Variants in MEI1 observed in about 807,000 individuals in gnomAD.
The protein encoded by MEI1 is meiotic double-stranded break formation protein 1.
In MEI1, 103 loss-of-function variants were observed where a neutral mutation model predicts 146.2. That is an observed-to-expected ratio of 0.70 (90% CI 0.60 to 0.83). The LOEUF (loss-of-function observed/expected upper bound fraction) is 0.83. Among genes scored for constraint, MEI1 ranks in the 40% least tolerant of loss-of-function variants. The pLI is 0.00. For missense variants in MEI1, 1,529 were observed against 1,533.0 expected, an observed-to-expected ratio of 1.00 and a Z score of 0.04; for synonymous variants, 652 against 628.2, an observed-to-expected ratio of 1.04 and a Z score of -0.57.
chr22:41,752,637 T>A lies in MEI1; in HGVS notation c.1839T>A (p.Phe613Leu). The change falls in exon 16 of 31, where the codon TTT becomes TTA. Residue 613 changes from phenylalanine to leucine, a missense_variant. Phe to Leu is a conservative substitution (Grantham distance 22). Around this residue, in one of 3 missense-constraint regions of MEI1, gnomAD observed 1,212 missense variants for 1,178.9 expected, o/e 1.03. Coordinates refer to ENST00000401548, the MANE Select transcript of MEI1 (RefSeq NM_152513.4). The stretch of plus-strand genomic sequence containing the variant: ...TGACCCTGGAGCTGAAGGCCAGGTT[T>A]TGCAGTGGTCTGAGGTATGTGTGGT... ...IRLTLELKAR[F>L]CSGLSHSALN... 6.3e-7 allele frequency: 1 copy of A among 1,597,742 alleles called. No homozygotes were observed. Among genetic ancestry groups the A allele is most frequent in the Admixed American group, 1.7e-5 (1 of 57,596 alleles).
At chr22:41,773,243 C>G (rs967440847) in intron 20 of MEI1, among the ~76,000 whole-genome samples, 6 of 152,100 alleles carry the variant, frequency 3.9e-5, no homozygotes, top group Non-Finnish European at 7.3e-5. Context: ...TAGAGCTTAA[C>G]AGAAAGGAGC....
At chr22:41,730,308 T>C (rs2071742388) in intron 8 of MEI1, among the ~76,000 whole-genome samples, 1 of 152,170 alleles carries the variant, frequency 6.6e-6, no homozygotes, top group South Asian at 2.1e-4. Context: ...TGGGACTCAG[T>C]TTCCCCACCT....
intron 4 of MEI1, among the ~76,000 whole-genome samples, chr22:41,715,241 A>G (rs542162377): frequency 6.6e-6 from 1 of 152,096 alleles, no homozygotes; most frequent in African/African-American, 2.4e-5. Context: ...ATTATTTCCC[A>G]CCAGAGTTAA....
rs776461104 is a variant in MEI1, at chr22:41,795,720, C to G, written c.3667-15C>G. The G allele has an allele frequency of 8.7e-6, 14 of 1,611,794 alleles. No individual in the cohort carries two copies. Among genetic ancestry groups the G allele is most frequent in the Non-Finnish European group, 1.2e-5 (14 of 1,178,860 alleles). ...ACTGAGGAGGCCTGTCTTCCCTGCC[C>G]TCTTCTCCCTGCAGCTCCAGAGCAT... is the stretch of plus-strand genomic sequence containing the variant. On this transcript the variant is annotated splice_polypyrimidine_tract_variant and intron_variant, in intron 29 of 30. Transcript: ENST00000401548. The surrounding 1 kb of genome is among the most constrained non-coding windows in gnomAD (Gnocchi z 4.2).
At chr22:41,776,290 C>T in intron 21 of MEI1, 23 bp downstream of exon 21, 1 of 1,611,828 alleles carries the variant, frequency 6.2e-7, no homozygotes, top group Non-Finnish European at 8.5e-7. Context: ...GTGCTGTGGG[C>T]ACACTTTGAC....
At chr22:41,728,143 C>T (rs1205254563) in intron 7 of MEI1, among the ~76,000 whole-genome samples, 2 of 152,114 alleles carry the variant, frequency 1.3e-5, no homozygotes, top group Non-Finnish European at 2.9e-5. Flanking sequence ...TTTCCATCAG[C>T]GTTCAGTTGA....
chr22:41,713,935 G>A (rs2069851218), intron 3 of MEI1, 67 bp from the exon 4 acceptor site: 2 of 1,294,850 alleles, frequency 1.5e-6, no homozygotes, highest in East Asian at 2.5e-5. Flanking sequence ...TTGAGTAGAA[G>A]GGCCATGGAA....
intron 17 of MEI1, among the ~76,000 whole-genome samples, chr22:41,754,900 G>A (rs572309828): frequency 6.6e-6 from 1 of 152,306 alleles, no homozygotes; most frequent in East Asian, 1.9e-4. Context: ...CTGGGCAAAA[G>A]GATAGAGAGT....
At position 41,799,271 on chromosome 22, in the gene MEI1, C is replaced by A; in HGVS notation, c.3797C>A (p.Ala1266Asp). ...LQDMLCLGGVAVSLSHIRN is the reference protein window; with the variant it reads ...LQDMLCLGGVDVSLSHIRN ...GCTGCCAGCTGCCTGGGAGGGGTGG[C>A]TGTATCCCTGTCCCACATCAGAAAC... The change falls in exon 31 of 31, where the codon GCT becomes GAT. Residue 1266 changes from alanine to aspartate, a missense_variant. Physicochemically the swap from Ala to Asp is moderately radical, Grantham distance 126. Coordinates refer to ENST00000401548, the MANE Select transcript of MEI1 (RefSeq NM_152513.4). 1.2e-6 allele frequency: 2 copies of A among 1,613,424 alleles called. No homozygotes were observed. Among genetic ancestry groups the A allele is most frequent in the South Asian group, 1.1e-5 (1 of 91,070 alleles).
intron 18 of MEI1, 114 bp downstream of exon 18, chr22:41,758,647 G>T (rs111649057): frequency 1.8e-6 from 2 of 1,096,636 alleles, no homozygotes; most frequent in South Asian, 1.7e-5. Flanking sequence ...GGGACACGGG[G>T]ATAAGTAAGA....
At position 41,784,710 on chromosome 22, in the gene MEI1, A is replaced by G; in HGVS notation, c.3272A>G (p.Asp1091Gly). The G allele has an allele frequency of 3.1e-6, 5 of 1,613,614 alleles. No individual in the cohort carries two copies. The highest frequency in any genetic ancestry group is 3.4e-6 in the Non-Finnish European group (4 of 1,179,756). ...SGAQPLPATK[D>G]TVLAPLRMSQ... ...GCCCAGCCACTGCCAGCCACCAAGG[A>G]CACTGTCCTAGCTCCACTGCGAATG... Residue 1091 changes from aspartate to glycine, a missense_variant, in exon 26 of 31, where the codon GAC becomes GGC. Physicochemically the swap from Asp to Gly is moderately conservative, Grantham distance 94 (BLOSUM62 -1). Coordinates refer to ENST00000401548, the MANE Select transcript of MEI1 (RefSeq NM_152513.4).
chr22:41,776,120 C>A lies in MEI1; in HGVS notation c.2563C>A (p.Pro855Thr), dbSNP rs2148100611. Residue 855 changes from proline (P) to threonine (T), a missense_variant, in exon 21 of 31, where the codon CCA becomes ACA. Coordinates refer to ENST00000401548, the MANE Select transcript of MEI1 (RefSeq NM_152513.4). ...LILLDLIYSS[P>T]VDTAHKVLIS... ...TGCTCAGGACCTCATCTATTCCAGC[C>A]CAGTGGACACAGCTCACAAGGTACT... 6.2e-7 allele frequency: 1 copy of A among 1,613,942 alleles called. No individual in the cohort carries two copies. The highest frequency in any genetic ancestry group is 2.2e-5 in the East Asian group (1 of 44,882).
intron 21 of MEI1, among the ~76,000 whole-genome samples, chr22:41,777,701 C>T (rs938014728): frequency 6.6e-6 from 1 of 152,150 alleles, no homozygotes; most frequent in African/African-American, 2.4e-5. Context: ...GACTTATAAA[C>T]AACAGGAATT....
intron 13 of MEI1, 117 bp downstream of exon 13, chr22:41,745,181 A>G: frequency 8.2e-6 from 6 of 733,712 alleles, no homozygotes; most frequent in Non-Finnish European, 1.2e-5. Flanking sequence ...CTGTATGGCA[A>G]AGAGGACTTT....
chr22:41,723,260 T>C (rs1601747204), intron 6 of MEI1, among the ~76,000 whole-genome samples: 1 of 151,670 alleles, frequency 6.6e-6, no homozygotes, highest in South Asian at 2.1e-4. Context: ...TCACCCAGGG[T>C]GGAGTACAGT....
chr22:41,716,355 C>CTTTTTT lies in MEI1; in HGVS notation c.529+242_529+247dup, dbSNP rs6147630. 9.0e-4 allele frequency among the ~76,000 whole-genome samples: 107 copies of CTTTTTT among 118,544 alleles called. 8 individuals are homozygous for CTTTTTT. The highest frequency in any genetic ancestry group is 4.5e-3 in the Middle Eastern group (1 of 222). 77.8% of individuals were successfully genotyped at this position (118,544 alleles called of 152,430 possible). Reference sequence around the variant, plus strand: ...TATTCTTGGACTATTTCCATTCATTCTTTTTTTTTTTTTTTTTTTTTTTTT... The same window carrying CTTTTTT: ...TATTCTTGGACTATTTCCATTCATTCTTTTTTTTTTTTTTTTTTTTTTTTTTTTTTT... On this transcript the variant is annotated intron_variant, in intron 5 of 30. Transcript: ENST00000401548.
intron 11 of MEI1, among the ~76,000 whole-genome samples, chr22:41,742,466 A>G (rs1446155552): frequency 6.6e-6 from 1 of 152,108 alleles, no homozygotes; most frequent in Non-Finnish European, 1.5e-5. Flanking sequence ...AATAATAGAC[A>G]CAGCTGACAT....
intron 22 of MEI1, among the ~76,000 whole-genome samples, chr22:41,780,947 G>A (rs2075730516): frequency 6.6e-6 from 1 of 152,142 alleles, no homozygotes; most frequent in Non-Finnish European, 1.5e-5. Flanking sequence ...ATGTGAGAGA[G>A]GGGATGTGGC....
intron 13 of MEI1, among the ~76,000 whole-genome samples, chr22:41,745,628 G>A (rs2073227094): frequency 6.6e-6 from 1 of 152,090 alleles, no homozygotes; most frequent in Admixed American, 6.6e-5. Context: ...AAATAGCATG[G>A]CATATTCGGG....
Sources: gnomAD v4.1 joint callset for allele counts (sites outside exome capture counted in the v4.1 genomes callset) on GRCh38, gnomAD v4.1.1 for gene constraint, gnomAD v4.1.1 regional missense constraint, Gnocchi (gnomAD v3.1) non-coding constraint, MANE v1.5 for transcripts, NCBI Gene and HGNC (gene_info 2026-07-23, HGNC 2026-07-21) for gene names.